The following SRP68 variants were observed in gnomAD, a reference collection of about 807,000 sequenced individuals.
The protein encoded by SRP68 is signal recognition particle 68, also known as signal recognition particle subunit SRP68.
In SRP68, 15 loss-of-function variants were observed where a neutral mutation model predicts 82.2. The ratio of observed to expected loss-of-function variants is 0.18; its 90% CI spans 0.12 to 0.28. The LOEUF (loss-of-function observed/expected upper bound fraction) is 0.28, where lower values mean the gene tolerates loss of function less well. SRP68 is among the 10% of genes least tolerant of loss of function. The pLI, the probability that SRP68 is intolerant of heterozygous loss-of-function variation, is 1.00. For synonymous variants in SRP68, 261 were observed against 292.6 expected, an observed-to-expected ratio of 0.89 and a Z score of 1.10; for missense variants, 595 against 780.5, an observed-to-expected ratio of 0.76 and a Z score of 2.83.
At chr17:76,048,997 A>C (rs928054048) in intron 9 of SRP68, 4 of 152,218 alleles carry the variant, frequency 2.6e-5, no homozygotes, top group Non-Finnish European at 5.9e-5. Flanking sequence ...AGTGATTCAA[A>C]ACAAAGTTTA....
In SRP68 at chr17:76,072,423, G is replaced by T. The variant is rs749292484; in HGVS notation, c.69C>A (p.Gly23=). The change falls in exon 1 of 16, where the codon GGC becomes GGA. Residue 23 remains glycine, a synonymous_variant. Coordinates refer to ENST00000307877, the MANE Select transcript of SRP68 (RefSeq NM_014230.4). The surrounding 1 kb of genome is among the most constrained non-coding windows in gnomAD (Gnocchi z 4.5). ...GGGSGGGGGS[G]GGGSGGGRGA... is the part of the protein sequence containing the mutation. Reference sequence around the variant, plus strand: ...CACGTCCACCGCCGCTACCGCCGCCGCCACTGCCACCGCCGCCGCCACTGC... The same window carrying T: ...CACGTCCACCGCCGCTACCGCCGCCTCCACTGCCACCGCCGCCGCCACTGC... 6.3e-7 allele frequency: 1 copy of T among 1,584,688 alleles called. No individual in the cohort carries two copies. The highest frequency in any genetic ancestry group is 1.7e-4 in the Middle Eastern group (1 of 5,848).
chr17:76,057,854 T>C (rs1202587493), intron 7 of SRP68, among the ~76,000 whole-genome samples: 3 of 152,134 alleles, frequency 2.0e-5, no homozygotes, highest in African/African-American at 7.2e-5. Context: ...TTTGTATTTT[T>C]AGTAGAGACG....
At chr17:76,062,738 T>TATATATATATATATATATATATAAA (rs2066773833) in intron 4 of SRP68, among the ~76,000 whole-genome samples, 2 of 21,722 alleles carry the variant, frequency 9.2e-5, no homozygotes, top group Admixed American at 1.2e-3. Flanking sequence ...TTTATATATA[T>TATATATATATATATATATATATAAA]ATATATATAT....
At chr17:76,042,283 A>C (rs2066597034) in intron 13 of SRP68, among the ~76,000 whole-genome samples, 1 of 152,032 alleles carries the variant, frequency 6.6e-6, no homozygotes, top group South Asian at 2.1e-4. Context: ...AGCACGCCAC[A>C]AGCTTAAGAA....
At position 76,052,056 on chromosome 17, in the gene SRP68, C is replaced by T. The variant is rs183285306; in HGVS notation, c.979-1530G>A. ...CGGAGTAGCTGGGACTACAGGTGCC[C>T]GCCACCACGCCTGGCTATTTCACCA... On this transcript the variant is annotated intron_variant, in intron 8 of 15. Coordinates refer to ENST00000307877, the MANE Select transcript of SRP68 (RefSeq NM_014230.4). Among the ~76,000 whole-genome samples, 713 of 152,156 alleles carry T rather than the reference C, an allele frequency of 4.7e-3. 5 individuals are homozygous for T. The highest frequency in any genetic ancestry group is 0.02 in the Middle Eastern group (6 of 294).
At chr17:76,068,653 A>G (rs947622601) in intron 2 of SRP68, among the ~76,000 whole-genome samples, 1 of 152,178 alleles carries the variant, frequency 6.6e-6, no homozygotes, top group East Asian at 1.9e-4. Flanking sequence ...CCTCTATGCC[A>G]AGCCTCCTCC....
chr17:76,042,862 G>A (rs1303228631), intron 13 of SRP68, among the ~76,000 whole-genome samples: 1 of 152,126 alleles, frequency 6.6e-6, no homozygotes, highest in Non-Finnish European at 1.5e-5. Flanking sequence ...TGGGATTACA[G>A]GCATGAGCCA....
At chr17:76,070,850 G>GCATGCACACACA (rs2066846660) in intron 1 of SRP68, among the ~76,000 whole-genome samples, 2 of 146,780 alleles carry the variant, frequency 1.4e-5, no homozygotes, top group Admixed American at 6.8e-5. Flanking sequence ...ACATGCACAT[G>GCATGCACACACA]CACACACACA....
At position 76,057,546 on chromosome 17, in the gene SRP68, G is replaced by C; in HGVS notation, c.838-3C>G. The stretch of plus-strand genomic sequence containing the variant: ...GCTCGAGTCTGAGTGATCAAAGCCT[G>C]AAAAATAGTTTAAAAAAGTTAAAGC... On this transcript the variant is annotated splice_region_variant and splice_polypyrimidine_tract_variant and intron_variant, in intron 7 of 15. Coordinates refer to ENST00000307877, the MANE Select transcript of SRP68 (RefSeq NM_014230.4). 6.2e-7 allele frequency: 1 copy of C among 1,613,832 alleles called. No homozygotes were observed. The highest frequency in any genetic ancestry group is 8.5e-7 in the Non-Finnish European group (1 of 1,179,866).
At chr17:76,046,913 C>G (rs756635958) in intron 10 of SRP68, among the ~76,000 whole-genome samples, 5 of 152,130 alleles carry the variant, frequency 3.3e-5, no homozygotes, top group Non-Finnish European at 5.9e-5. Flanking sequence ...TGCACTCCAG[C>G]CTGGGCGACA....
rs1176621175 is a variant in SRP68 at position 76,056,594 on chromosome 17, T to C, written c.978+809A>G. 2.6e-5 allele frequency among the ~76,000 whole-genome samples: 4 copies of C among 152,294 alleles called. No individual in the cohort carries two copies. The East Asian group carries it at 7.7e-4, about 29-fold the overall frequency. On this transcript the variant is annotated intron_variant, in intron 8 of 15. Coordinates refer to ENST00000307877, the MANE Select transcript of SRP68 (RefSeq NM_014230.4). The stretch of plus-strand genomic sequence containing the variant: ...GCTGTTGAAGGCTGCCTCCAACCCA[T>C]AGTAGCCATTCTGGAGCAAGTTGCT...
intron 6 of SRP68, chr17:76,060,712 G>A (rs1035985716): frequency 8.6e-6 from 3 of 348,978 alleles, no homozygotes; most frequent in Admixed American, 4.4e-5. Context: ...GCCATCAATT[G>A]TAACAAATGC....
Position 76,063,978 on chromosome 17 carries a change from G to A in SRP68, c.559C>T (p.Gln187Ter). ...RVDAKTKLEAQAYTAYLSGML... is the reference protein window; with the variant it reads ...RVDAKTKLEA Reference sequence around the variant, plus strand: ...AAGCTGAATGTTGAGGTACTAACCTGAGCCTCTAATTTGGTCTTGGCATCC... The same window carrying A: ...AAGCTGAATGTTGAGGTACTAACCTAAGCCTCTAATTTGGTCTTGGCATCC... The change falls in exon 4 of 16, where the codon CAG becomes TAG. Residue 187 changes from glutamine (Q) to a stop codon, truncating the protein, a stop_gained and splice_region_variant. Coordinates refer to ENST00000307877, the MANE Select transcript of SRP68 (RefSeq NM_014230.4). LOFTEE classifies it high-confidence loss of function. 6.2e-7 allele frequency: 1 copy of A among 1,613,204 alleles called. No homozygotes were observed.
intron 7 of SRP68, among the ~76,000 whole-genome samples, chr17:76,059,067 G>A (rs1233193805): frequency 6.6e-6 from 1 of 152,068 alleles, no homozygotes; most frequent in East Asian, 1.9e-4. Context: ...GAAACACAGT[G>A]AGACTCTGTC....
chr17:76,070,660 G>A (rs916604884), intron 1 of SRP68, among the ~76,000 whole-genome samples: 1 of 152,112 alleles, frequency 6.6e-6, no homozygotes, highest in African/African-American at 2.4e-5. Flanking sequence ...GGCCAGCATG[G>A]TGAAACCCCG....
intron 7 of SRP68, among the ~76,000 whole-genome samples, chr17:76,058,418 G>A (rs2066727388): frequency 6.6e-6 from 1 of 151,994 alleles, no homozygotes; most frequent in African/African-American, 2.4e-5. Context: ...ACTGTGCCCA[G>A]CCTCTGAAAA....
chr17:76,041,006 C>T (rs200630382), intron 13 of SRP68, 28 bp from the exon 14 acceptor site: 393 of 1,601,724 alleles, frequency 2.5e-4, no homozygotes, highest in Middle Eastern at 6.6e-4. Context: ...CGTGTACTCC[C>T]GAGCCAGGGC....
intron 4 of SRP68, among the ~76,000 whole-genome samples, chr17:76,063,485 C>T (rs1363047640): frequency 2.0e-5 from 3 of 151,962 alleles, no homozygotes; most frequent in South Asian, 4.1e-4. Flanking sequence ...GTCAGGAGCT[C>T]GGGACCAGCC....
chr17:76,057,640 A>G, intron 7 of SRP68, 97 bp from the exon 8 acceptor site: 1 of 1,320,986 alleles, frequency 7.6e-7, no homozygotes, highest in South Asian at 1.3e-5. Flanking sequence ...TTGTATAACC[A>G]ACATATTATA....
Sources: allele counts gnomAD v4.1 joint callset (sites outside exome capture counted in the v4.1 genomes callset), GRCh38; gene constraint gnomAD v4.1.1; non-coding constraint Gnocchi (gnomAD v3.1); transcripts MANE v1.5; gene names NCBI Gene and HGNC (gene_info 2026-07-23, HGNC 2026-07-21).